The following ADAMTS17 variants were observed in gnomAD, a reference collection of about 807,000 sequenced individuals.
The protein encoded by ADAMTS17 is A disintegrin and metalloproteinase with thrombospondin motifs 17.
In ADAMTS17, 113 loss-of-function variants were observed where a neutral mutation model predicts 141.5. The observed-to-expected ratio is 0.80, with a 90% CI of 0.69 to 0.93. ADAMTS17 has a LOEUF of 0.93. Ranked by LOEUF, ADAMTS17 falls within the 40% of genes least tolerant of loss-of-function variation. The probability of loss-of-function intolerance (pLI) is 0.00; values close to 1 mark genes in which losing one functional copy is unlikely to be tolerated. For missense variants in ADAMTS17, 1,659 were observed against 1,517.9 expected (o/e 1.09, Z -1.54); for synonymous variants, 768 against 630.6 (o/e 1.22, Z -3.27).
intron 7 of ADAMTS17, among the ~76,000 whole-genome samples, chr15:100,209,629 G>C (rs1417680850): frequency 6.7e-6 from 1 of 148,728 alleles, no homozygotes; most frequent in Non-Finnish European, 1.5e-5. Context: ...TCTTAGAAAA[G>C]AATGTTGATG....
At chr15:100,239,532 G>T (rs1435695745) in intron 7 of ADAMTS17, among the ~76,000 whole-genome samples, 1 of 152,162 alleles carries the variant, frequency 6.6e-6, no homozygotes, top group African/African-American at 2.4e-5. Flanking sequence ...CCCCTGAGCG[G>T]GGCAGCAGCA....
chr15:99,993,187 C>T lies in ADAMTS17; in HGVS notation c.2810G>A (p.Cys937Tyr). 1 of 1,614,204 alleles carries T rather than the reference C, an allele frequency of 6.2e-7. No homozygotes were observed. The highest frequency in any genetic ancestry group is 8.5e-7 in the Non-Finnish European group (1 of 1,180,042). ...ASEWSQCSAS[C>Y]GKGVWKRTVA... ...GGTCCGTTTCCACACCCCTTTACCA[C>T]AGCTGGCAGAGCACTGCAAGACACC... Residue 937 changes from cysteine (C) to tyrosine (Y), a missense_variant, in exon 20 of 22, where the codon TGT (cysteine) becomes TAT (tyrosine). By Grantham distance (194) the Cys-to-Tyr change is radical. Coordinates refer to ENST00000268070, the MANE Select transcript of ADAMTS17 (RefSeq NM_139057.4). The surrounding 1 kb of genome is among the most constrained non-coding windows in gnomAD (Gnocchi z 4.3).
At chr15:100,178,269 A>G (rs1325482694) in intron 8 of ADAMTS17, among the ~76,000 whole-genome samples, 2 of 152,088 alleles carry the variant, frequency 1.3e-5, no homozygotes, top group Non-Finnish European at 2.9e-5. Flanking sequence ...TTGAACATCA[A>G]TTAGAGTTTG....
At chr15:100,100,237 C>A (rs1406887847) in intron 14 of ADAMTS17, among the ~76,000 whole-genome samples, 1 of 152,230 alleles carries the variant, frequency 6.6e-6, no homozygotes, top group African/African-American at 2.4e-5. Flanking sequence ...ATTCTCCTCC[C>A]AGCCCCTGGA....
At position 99,997,656 on chromosome 15, in the gene ADAMTS17, C is replaced by T. The variant is rs550989841; in HGVS notation, c.2592-67G>A. ...AGGCCAGCCTCTCCGGAGGGCCTTC[C>T]GGCCGGATCCTGGAATTGCTGCCCT... On this transcript the variant is annotated intron_variant, in intron 18 of 21. Transcript: ENST00000268070. The surrounding 1 kb of genome is among the most constrained non-coding windows in gnomAD (Gnocchi z 4.7). The T allele has an allele frequency of 1.1e-4, 180 of 1,597,510 alleles. 4 individuals are homozygous for T. The South Asian group carries it at 1.4e-3, about 13-fold the overall frequency.
chr15:100,171,209 T>C (rs562343922), intron 8 of ADAMTS17, among the ~76,000 whole-genome samples: 73 of 152,178 alleles, frequency 4.8e-4, no homozygotes, highest in Non-Finnish European at 9.3e-4. Context: ...GGATGTCCGA[T>C]GGGACAGATG....
chr15:100,298,315 T>C (rs1346368078), intron 3 of ADAMTS17, among the ~76,000 whole-genome samples: 3 of 152,126 alleles, frequency 2.0e-5, no homozygotes, highest in East Asian at 1.9e-4. Context: ...TTTGAGGATG[T>C]CAGCTCCAGA....
chr15:100,084,284 G>A (rs867326099), intron 15 of ADAMTS17, among the ~76,000 whole-genome samples: 31 of 152,216 alleles, frequency 2.0e-4, no homozygotes, highest in African/African-American at 6.3e-4. Context: ...AGGTGGCAGC[G>A]AGGCTGGGGG....
rs115652199 is a variant in ADAMTS17 at position 100,267,211 on chromosome 15, T to C, written c.790-4776A>G. 4.4e-3 allele frequency among the ~76,000 whole-genome samples: 673 copies of C among 152,172 alleles called. 6 individuals are homozygous for C. The highest frequency in any genetic ancestry group is 0.015 in the African/African-American group (642 of 41,514). Reference sequence around the variant, plus strand: ...GTTTCTATGACTTGGACACTGCAGTTACCTCATGTAAGCAGAGTCATTTAG... The same window carrying C: ...GTTTCTATGACTTGGACACTGCAGTCACCTCATGTAAGCAGAGTCATTTAG... On this transcript the variant is annotated intron_variant, in intron 4 of 21. Coordinates refer to ENST00000268070, the MANE Select transcript of ADAMTS17 (RefSeq NM_139057.4).
chr15:100,082,945 C>T (rs996280588), intron 15 of ADAMTS17, among the ~76,000 whole-genome samples: 4 of 152,008 alleles, frequency 2.6e-5, no homozygotes, highest in African/African-American at 9.7e-5. Flanking sequence ...ACCAAAATAC[C>T]AGAATGAAGA....
At chr15:100,082,024 G>C (rs1369779019) in intron 15 of ADAMTS17, among the ~76,000 whole-genome samples, 1 of 152,150 alleles carries the variant, frequency 6.6e-6, no homozygotes, top group Non-Finnish European at 1.5e-5. Flanking sequence ...AAAATTGTCA[G>C]TCTATCAGTC....
At chr15:100,311,450 T>C (rs2045402501) in intron 3 of ADAMTS17, among the ~76,000 whole-genome samples, 1 of 152,224 alleles carries the variant, frequency 6.6e-6, no homozygotes, top group Non-Finnish European at 1.5e-5. Context: ...CCAGCCAGTG[T>C]GCACTTTAAA....
In ADAMTS17 at chr15:100,310,341, GC is replaced by G. The variant is rs1398754817; in HGVS notation, c.616+20547del. Among the ~76,000 whole-genome samples, 9 of 152,336 alleles carry G rather than the reference GC, an allele frequency of 5.9e-5. No individual in the cohort carries two copies. The South Asian group carries it at 8.3e-4, about 14-fold the overall frequency. On this transcript the variant is annotated intron_variant, in intron 3 of 21. Coordinates refer to ENST00000268070, the MANE Select transcript of ADAMTS17 (RefSeq NM_139057.4). ...CCCCAAAAGCACAGTGAGAGAAGCA[GC>G]CACATCCCTGGCAGCAGTGGAAACA...
chr15:100,025,437 AC>A (rs1324011274), intron 18 of ADAMTS17, among the ~76,000 whole-genome samples: 5 of 142,278 alleles, frequency 3.5e-5, no homozygotes, highest in Non-Finnish European at 7.5e-5. Flanking sequence ...TTTGAGACAG[AC>A]TTTCACTCTT....
chr15:100,331,030 C>T lies in ADAMTS17; in HGVS notation c.475G>A (p.Glu159Lys), dbSNP rs1368552627. 1 of 1,614,028 alleles carries T rather than the reference C, an allele frequency of 6.2e-7. No homozygotes were observed. Among genetic ancestry groups the T allele is most frequent in the African/African-American group, 1.3e-5 (1 of 74,902 alleles). Residue 159 changes from glutamate to lysine, a missense_variant, in exon 3 of 22, where the codon GAG becomes AAG. Coordinates refer to ENST00000268070, the MANE Select transcript of ADAMTS17 (RefSeq NM_139057.4). The part of the protein sequence containing the change: ...GLVGLIQLGQ[E>K]QVLIQPLNNS... ...TTGAGGGGCTGGATTAGCACCTGCT[C>T]CTGCCCAAGCTGAATGAGGCCAACC...
chr15:100,024,336 T>C (rs2061465994), intron 18 of ADAMTS17, among the ~76,000 whole-genome samples: 2 of 152,342 alleles, frequency 1.3e-5, no homozygotes, highest in Non-Finnish European at 2.9e-5. Flanking sequence ...CTTCAAGCAG[T>C]CCTCCCACCT....
intron 3 of ADAMTS17, among the ~76,000 whole-genome samples, chr15:100,327,086 C>A (rs566094605): frequency 6.6e-6 from 1 of 152,224 alleles, no homozygotes; most frequent in African/African-American, 2.4e-5. Flanking sequence ...CAGACCTTGG[C>A]GATGACCTTG....
intron 12 of ADAMTS17, among the ~76,000 whole-genome samples, chr15:100,120,349 CTA>C (rs2037390815): frequency 6.6e-6 from 1 of 152,212 alleles, no homozygotes; most frequent in Admixed American, 6.5e-5. Context: ...AGGCAGGCAG[CTA>C]TGTCTGTGCT....
At chr15:100,210,100 G>A (rs996486813) in intron 7 of ADAMTS17, among the ~76,000 whole-genome samples, 15 of 151,832 alleles carry the variant, frequency 9.9e-5, no homozygotes, top group African/African-American at 3.4e-4. Flanking sequence ...CGGGCATAGT[G>A]GGCGCCTGTT....
Sources: gnomAD v4.1 joint callset for allele counts (sites outside exome capture counted in the v4.1 genomes callset) on GRCh38, gnomAD v4.1.1 for gene constraint, Gnocchi (gnomAD v3.1) non-coding constraint, MANE v1.5 for transcripts, NCBI Gene and HGNC (gene_info 2026-07-23, HGNC 2026-07-21) for gene names.